CACNA1C: variants seen among roughly 807,000 people sequenced by gnomAD.
The protein encoded by CACNA1C is voltage-dependent L-type calcium channel subunit alpha-1C.
CACNA1C carries 30 observed loss-of-function variants against 229.0 expected under a neutral mutation model. The ratio of observed to expected loss-of-function variants is 0.13; its 90% CI spans 0.10 to 0.18. The LOEUF is 0.18. Ranked by LOEUF, CACNA1C falls within the 10% of genes least tolerant of loss-of-function variation. The pLI is 1.00. For missense variants in CACNA1C, 1,658 were observed against 2,845.0 expected, an observed-to-expected ratio of 0.58 and a Z score of 9.49; for synonymous variants, 1,114 against 1,132.5, an observed-to-expected ratio of 0.98 and a Z score of 0.33.
chr12:2,014,913 G>A (rs1682040839), intron 1 of CACNA1C, among the ~76,000 whole-genome samples: 1 of 152,180 alleles, frequency 6.6e-6, no homozygotes, highest in Non-Finnish European at 1.5e-5. Flanking sequence ...AAGAGCACTG[G>A]GAATGGGAGC....
At chr12:2,672,410 C>G (rs2096606830) in intron 38 of CACNA1C, among the ~76,000 whole-genome samples, 1 of 152,176 alleles carries the variant, frequency 6.6e-6, no homozygotes, top group Non-Finnish European at 1.5e-5. Context: ...TCTGCTGTAA[C>G]AAATGATCAC....
chr12:2,581,683 C>T lies in CACNA1C; in HGVS notation c.1989C>T (p.Ile663=), dbSNP rs1453566638. Residue 663 remains isoleucine (I), a synonymous_variant, in exon 14 of 47, where the codon ATC becomes ATT. Coordinates refer to ENST00000399655, the MANE Select transcript of CACNA1C (RefSeq NM_000719.7). ...TCCTTCTCCTCTTCCTCTTCATCAT[C>T]ATCTTCTCCCTCCTGGGGATGCAGC... ...SLLLLLFLFI[I]IFSLLGMQLF... is the part of the protein sequence containing the mutation. 1.2e-6 allele frequency: 2 copies of T among 1,611,924 alleles called. No homozygotes were observed. The highest frequency in any genetic ancestry group is 1.7e-6 in the Non-Finnish European group (2 of 1,178,878).
At chr12:2,299,258 T>C (rs2094359061) in intron 3 of CACNA1C, among the ~76,000 whole-genome samples, 5 of 152,200 alleles carry the variant, frequency 3.3e-5, no homozygotes, top group Non-Finnish European at 7.4e-5. Flanking sequence ...TGGCCCTCCC[T>C]GGACATCAGG....
chr12:2,641,801 T>C (rs2093730200), intron 30 of CACNA1C: 1 of 701,930 alleles, frequency 1.4e-6, no homozygotes, highest in African/African-American at 1.7e-5. Context: ...GGAGATTACT[T>C]TTGTGAGGTC....
At chr12:2,325,297 A>C (rs562299484) in intron 3 of CACNA1C, among the ~76,000 whole-genome samples, 7 of 152,290 alleles carry the variant, frequency 4.6e-5, no homozygotes, top group African/African-American at 1.7e-4. Context: ...AAAATTATCC[A>C]AGAAACTCTC....
At chr12:2,565,453 G>A (rs527805255) in intron 11 of CACNA1C, among the ~76,000 whole-genome samples, 41 of 142,460 alleles carry the variant, frequency 2.9e-4, no homozygotes, top group African/African-American at 1.0e-3. Context: ...CGGCCTGGGC[G>A]ACAGAGCGAG....
chr12:2,397,434 C>T (rs953064953), intron 3 of CACNA1C, among the ~76,000 whole-genome samples: 14 of 152,348 alleles, frequency 9.2e-5, no homozygotes, highest in Admixed American at 1.3e-4. Flanking sequence ...ATTCAGAGCC[C>T]CCAGGAGCTT....
chr12:2,691,492 A>G lies in CACNA1C; in HGVS notation c.*293A>G. 3.0e-6 allele frequency: 1 copy of G among 336,704 alleles called. No individual in the cohort carries two copies. The highest frequency in any genetic ancestry group is 5.3e-6 in the Non-Finnish European group (1 of 187,816). The allele number at this position is 336,704 out of a possible 1,614,324, so 20.9% of individuals were successfully genotyped here. A position where few individuals can be genotyped will look rare whatever the true frequency, so the allele number is the denominator to read the frequency against. On this transcript the variant is annotated 3_prime_UTR_variant, in exon 47 of 47. Transcript: ENST00000399655. The stretch of plus-strand genomic sequence containing the variant: ...GGCCCGGCCGCGCCTCCGCGGGGAG[A>G]GCACCCCGGCTTCCCGCGCGCCCTC...
rs896287376 is a variant in CACNA1C, at chr12:2,144,120, G to A, written c.477+23690G>A. 3.3e-5 allele frequency among the ~76,000 whole-genome samples: 5 copies of A among 151,348 alleles called. No homozygotes were observed. The South Asian group carries it at 6.3e-4, about 19-fold the overall frequency. ...GAGGACTAATCATTCCTGTGTAAACGCTGAGAAAACAACTAAGACACATGG... is the reference window on the plus strand; with the variant it reads ...GAGGACTAATCATTCCTGTGTAAACACTGAGAAAACAACTAAGACACATGG... On this transcript the variant is annotated intron_variant, in intron 3 of 46. Transcript: ENST00000399655.
intron 3 of CACNA1C, among the ~76,000 whole-genome samples, chr12:2,373,315 G>C (rs927835617): frequency 2.0e-5 from 3 of 152,152 alleles, no homozygotes; most frequent in African/African-American, 7.2e-5. Context: ...TGAATAACAC[G>C]AACGGGGTTT....
intron 3 of CACNA1C, among the ~76,000 whole-genome samples, chr12:2,400,368 GGGGCAGGGGC>G: frequency 6.6e-6 from 1 of 152,124 alleles, no homozygotes; most frequent in Non-Finnish European, 1.5e-5. Context: ...TGGTGCCTAC[GGGGCAGGGGC>G]TTATGTGCCC....
At chr12:2,541,526 A>G (rs1018083330) in intron 9 of CACNA1C, among the ~76,000 whole-genome samples, 31 of 152,268 alleles carry the variant, frequency 2.0e-4, no homozygotes, top group African/African-American at 7.5e-4. Context: ...TTGGCCTTGT[A>G]TGACATCCCA....
At chr12:2,087,555 A>G (rs2154069034) in intron 1 of CACNA1C, among the ~76,000 whole-genome samples, 1 of 152,320 alleles carries the variant, frequency 6.6e-6, no homozygotes, top group South Asian at 2.1e-4. Flanking sequence ...GCTAGAGTAC[A>G]TGTTTTTTTG....
intron 38 of CACNA1C, among the ~76,000 whole-genome samples, chr12:2,674,211 G>A (rs1185592451): frequency 6.6e-6 from 1 of 152,252 alleles, no homozygotes; most frequent in Non-Finnish European, 1.5e-5. Flanking sequence ...TTCCTGCCCA[G>A]GGGCTGGGCT....
intron 3 of CACNA1C, among the ~76,000 whole-genome samples, chr12:2,172,464 T>C (rs2096524367): frequency 6.6e-6 from 1 of 152,220 alleles, no homozygotes; most frequent in Non-Finnish European, 1.5e-5. Flanking sequence ...GCTCTAAAAA[T>C]TAATATTACT....
At chr12:2,171,834 C>T (rs2096493651) in intron 3 of CACNA1C, among the ~76,000 whole-genome samples, 1 of 152,112 alleles carries the variant, frequency 6.6e-6, no homozygotes, top group South Asian at 2.1e-4. Context: ...GGAAGGCCTC[C>T]CCGAGGGAAT....
intron 1 of CACNA1C, among the ~76,000 whole-genome samples, chr12:2,041,096 A>G (rs1207177331): frequency 6.6e-6 from 1 of 152,088 alleles, no homozygotes; most frequent in Admixed American, 6.5e-5. Context: ...ATTCCATCTC[A>G]AACATTGAAA....
chr12:2,102,388 C>A (rs1158578916), intron 1 of CACNA1C, among the ~76,000 whole-genome samples: 6 of 152,102 alleles, frequency 3.9e-5, no homozygotes, highest in African/African-American at 1.4e-4. Context: ...AAGTATTAGA[C>A]TTTAACTCAT....
At chr12:2,672,567 G>C (rs1219271053) in intron 38 of CACNA1C, among the ~76,000 whole-genome samples, 3 of 152,176 alleles carry the variant, frequency 2.0e-5, no homozygotes, top group Non-Finnish European at 4.4e-5. Flanking sequence ...GGCTGTGGAT[G>C]ATGCCTGGTG....
Sources: allele counts gnomAD v4.1 joint callset (sites outside exome capture counted in the v4.1 genomes callset), GRCh38; gene constraint gnomAD v4.1.1; transcripts MANE v1.5; gene names NCBI Gene and HGNC (gene_info 2026-07-23, HGNC 2026-07-21).